PHIP: variants seen among roughly 807,000 people sequenced by gnomAD.
PHIP encodes PH-interacting protein.
Under a neutral mutation model 236.8 loss-of-function variants are expected in PHIP, and 54 were observed. The ratio of observed to expected loss-of-function variants is 0.23; its 90% CI spans 0.18 to 0.29. The LOEUF (loss-of-function observed/expected upper bound fraction) is 0.29, where lower values mean the gene tolerates loss of function less well. Among genes scored for constraint, PHIP ranks in the 10% least tolerant of loss-of-function variants. PHIP has a pLI of 1.00. For missense variants in PHIP, 1,370 were observed against 2,190.8 expected, an observed-to-expected ratio of 0.63 and a Z score of 7.48; for synonymous variants, 756 against 718.9, an observed-to-expected ratio of 1.05 and a Z score of -0.83.
At chr6:79,062,310 C>T (rs1219949100) in intron 4 of PHIP, among the ~76,000 whole-genome samples, 1 of 152,058 alleles carries the variant, frequency 6.6e-6, no homozygotes, top group East Asian at 1.9e-4. Flanking sequence ...CTTTAGGAAA[C>T]ACTAGTATGA....
At chr6:78,981,031 A>G (rs1457445724) in intron 23 of PHIP, among the ~76,000 whole-genome samples, 1 of 152,046 alleles carries the variant, frequency 6.6e-6, no homozygotes, top group Non-Finnish European at 1.5e-5. Flanking sequence ...TTATGAGGAC[A>G]TATCTTATTC....
chr6:78,974,554 CA>C (rs1294188331), intron 24 of PHIP, among the ~76,000 whole-genome samples: 2 of 151,722 alleles, frequency 1.3e-5, no homozygotes, highest in Admixed American at 6.6e-5. Flanking sequence ...AATAGAGACA[CA>C]AAAAACCCTT....
chr6:78,965,976 G>A lies in PHIP; in HGVS notation c.3286C>T (p.Pro1096Ser). Residue 1096 changes from proline to serine, a missense_variant, in exon 28 of 40, where the codon CCT becomes TCT. Pro to Ser is a moderately conservative substitution (Grantham distance 74). Transcript: ENST00000275034. ...TTGTAGCATTGAAACAGACTATCAG[G>A]GTACTCAAGTTGAAGAGGTTCCTGG... ...ESQEPLQLEY[P>S]DSLFQCYNVC... 1 of 1,610,870 alleles carries A rather than the reference G, an allele frequency of 6.2e-7. No homozygotes were observed. Among genetic ancestry groups the A allele is most frequent in the Non-Finnish European group, 8.5e-7 (1 of 1,177,196 alleles).
At chr6:79,076,974 T>C (rs769282208) in intron 4 of PHIP, among the ~76,000 whole-genome samples, 1 of 152,228 alleles carries the variant, frequency 6.6e-6, no homozygotes, top group Non-Finnish European at 1.5e-5. Context: ...GATAGCCTGC[T>C]TGTGAAATGC....
At chr6:78,972,566 G>C (rs148833536) in intron 24 of PHIP, among the ~76,000 whole-genome samples, 1 of 152,154 alleles carries the variant, frequency 6.6e-6, no homozygotes, top group African/African-American at 2.4e-5. Context: ...GGCTTCAGAC[G>C]ATCAAATTAC....
chr6:79,019,392 T>C (rs1770995056), intron 9 of PHIP, among the ~76,000 whole-genome samples: 1 of 152,072 alleles, frequency 6.6e-6, no homozygotes, highest in Non-Finnish European at 1.5e-5. Flanking sequence ...CATGGAACAA[T>C]TCCAAATTCA....
chr6:79,048,289 G>A lies in PHIP; in HGVS notation c.440-5286C>T, dbSNP rs114187688. ...TTGTTGGGCCCAAATTTTCAATGCA[G>A]ATGATTTTTTAAAAAGATAAACATA... On this transcript the variant is annotated intron_variant, in intron 6 of 39. Coordinates refer to ENST00000275034, the MANE Select transcript of PHIP (RefSeq NM_017934.7). Among the ~76,000 whole-genome samples, 514 of 151,974 alleles carry A rather than the reference G, an allele frequency of 3.4e-3. 2 individuals carry two copies. Among genetic ancestry groups the A allele is most frequent in the African/African-American group, 0.011 (449 of 41,498 alleles).
chr6:79,056,834 A>G (rs12110918), intron 6 of PHIP, among the ~76,000 whole-genome samples: 16,126 of 151,992 alleles, frequency 0.11, 885 homozygotes, highest in Middle Eastern at 0.19. Context: ...CTTATCCGCA[A>G]CTCCAGACCC....
chr6:78,946,200 T>C lies in PHIP; in HGVS notation c.4431A>G (p.Ala1477=), dbSNP rs866508745. The change falls in exon 38 of 40, where the codon GCA becomes GCG. Residue 1477 remains alanine, a synonymous_variant. Transcript: ENST00000275034. ...PQLKSESSTS[A]FSTPTRSIPP... is the part of the protein sequence containing the mutation. Reference sequence around the variant, plus strand: ...GTATTGATCGTGTAGGTGTAGAGAATGCAGAGGTAGAGCTTTCTGATTTTA... The same window carrying C: ...GTATTGATCGTGTAGGTGTAGAGAACGCAGAGGTAGAGCTTTCTGATTTTA... 1 of 1,612,942 alleles carries C rather than the reference T, an allele frequency of 6.2e-7. No individual in the cohort carries two copies.
intron 27 of PHIP, among the ~76,000 whole-genome samples, chr6:78,967,743 T>C (rs1373442522): frequency 6.6e-6 from 1 of 152,202 alleles, no homozygotes; most frequent in African/African-American, 2.4e-5. Flanking sequence ...TTAGCCACAT[T>C]ACTTTGCCAA....
intron 7 of PHIP, among the ~76,000 whole-genome samples, chr6:79,033,256 A>AGCT (rs1413619575): frequency 2.6e-5 from 4 of 152,234 alleles, no homozygotes; most frequent in Admixed American, 2.6e-4. Context: ...TCAAGTCACT[A>AGCT]GCTGCATCAG....
At chr6:78,973,385 C>G (rs1767767919) in intron 24 of PHIP, among the ~76,000 whole-genome samples, 2 of 150,384 alleles carry the variant, frequency 1.3e-5, no homozygotes, top group Admixed American at 1.3e-4. Context: ...AAGCGCTAAA[C>G]ATGGAAAGGA....
intron 15 of PHIP, among the ~76,000 whole-genome samples, chr6:79,012,071 T>A (rs1770605998): frequency 6.6e-6 from 1 of 151,652 alleles, no homozygotes; most frequent in Admixed American, 6.6e-5. Context: ...TTTTGGCTAT[T>A]TCTAAAATTT....
At chr6:78,978,458 T>A (rs1376934936) in intron 24 of PHIP, 134 bp downstream of exon 24, 2 of 535,674 alleles carry the variant, frequency 3.7e-6, no homozygotes, top group African/African-American at 1.9e-5. Flanking sequence ...ACTTTCTCCA[T>A]ACATAGATAC....
At chr6:79,047,926 C>T (rs981846677) in intron 6 of PHIP, among the ~76,000 whole-genome samples, 3 of 151,632 alleles carry the variant, frequency 2.0e-5, no homozygotes, top group Admixed American at 1.3e-4. Flanking sequence ...TTTGTTCCAG[C>T]CTTTCCATTT....
intron 4 of PHIP, 97 bp from the exon 5 acceptor site, chr6:79,060,915 AT>A (rs1259983052): frequency 3.8e-6 from 3 of 789,528 alleles, no homozygotes; most frequent in Non-Finnish European, 3.9e-6. Context: ...AGTATAAAAT[AT>A]TTTGTTTTGC....
chr6:79,019,496 A>G (rs1448880901), intron 9 of PHIP, among the ~76,000 whole-genome samples: 1 of 152,158 alleles, frequency 6.6e-6, no homozygotes, highest in Non-Finnish European at 1.5e-5. Context: ...ACGTACAAAC[A>G]TATAAGGAAC....
At chr6:79,016,706 T>C in intron 12 of PHIP, 64 bp from the exon 13 acceptor site, 1 of 930,666 alleles carries the variant, frequency 1.1e-6, no homozygotes. Context: ...AATGCACTTT[T>C]CCCAGAGATC....
In PHIP at chr6:79,076,617, C is replaced by T. The variant is rs373315580; in HGVS notation, c.189+831G>A. Among the ~76,000 whole-genome samples the T allele has an allele frequency of 5.5e-4, 83 of 152,264 alleles. 2 individuals are homozygous for T. The South Asian group carries it at 0.017, about 30-fold the overall frequency. ...AAATTAAGGTTTTTAAGCTATTAAACAAAATATGTCCCAATATAAACACAA... is the reference window on the plus strand; with the variant it reads ...AAATTAAGGTTTTTAAGCTATTAAATAAAATATGTCCCAATATAAACACAA... On this transcript the variant is annotated intron_variant, in intron 4 of 39. Coordinates refer to ENST00000275034, the MANE Select transcript of PHIP (RefSeq NM_017934.7).
Sources: allele counts gnomAD v4.1 joint callset (sites outside exome capture counted in the v4.1 genomes callset), GRCh38; gene constraint gnomAD v4.1.1; transcripts MANE v1.5; gene names NCBI Gene and HGNC (gene_info 2026-07-23, HGNC 2026-07-21).